NEO1: variants seen among roughly 807,000 people sequenced by gnomAD.
NEO1 encodes neogenin 1, also known as neogenin.
A neutral mutation model predicts 159.7 loss-of-function variants in NEO1; 63 were observed. The ratio of observed to expected loss-of-function variants is 0.39; its 90% CI spans 0.32 to 0.49. NEO1 has a LOEUF of 0.49. Among genes scored for constraint, NEO1 ranks in the 20% least tolerant of loss-of-function variants. NEO1 has a pLI of 0.85. For synonymous variants in NEO1, 633 were observed against 662.0 expected (o/e 0.96, Z 0.67); for missense variants, 1,615 against 1,831.0 (o/e 0.88, Z 2.15).
intron 1 of NEO1, among the ~76,000 whole-genome samples, chr15:73,084,742 T>C (rs1186932460): frequency 6.6e-6 from 1 of 152,200 alleles, no homozygotes; most frequent in African/African-American, 2.4e-5. Flanking sequence ...CCACAATGGC[T>C]ATACTGTCCA....
intron 1 of NEO1, among the ~76,000 whole-genome samples, chr15:73,108,909 T>G (rs1328110243): frequency 6.6e-6 from 1 of 152,130 alleles, no homozygotes; most frequent in East Asian, 1.9e-4. Flanking sequence ...TAATGTGGCT[T>G]ATTCACAGCC....
chr15:73,192,736 AT>A (rs1383821292), intron 7 of NEO1, among the ~76,000 whole-genome samples: 1 of 152,002 alleles, frequency 6.6e-6, no homozygotes, highest in Non-Finnish European at 1.5e-5. Flanking sequence ...GTATACTCTG[AT>A]TTCATTTATG....
At chr15:73,230,830 G>A (rs1773786071) in intron 7 of NEO1, among the ~76,000 whole-genome samples, 1 of 152,084 alleles carries the variant, frequency 6.6e-6, no homozygotes, top group Non-Finnish European at 1.5e-5. Flanking sequence ...GGGCTCAAGT[G>A]ATCCACCACT....
intron 1 of NEO1, among the ~76,000 whole-genome samples, chr15:73,103,041 C>T (rs1222641417): frequency 2.6e-5 from 4 of 152,124 alleles, no homozygotes; most frequent in Non-Finnish European, 5.9e-5. Flanking sequence ...AGTCTTAAGA[C>T]GTATTGATTC....
chr15:73,073,768 G>A (rs2068644889), intron 1 of NEO1, among the ~76,000 whole-genome samples: 1 of 152,184 alleles, frequency 6.6e-6, no homozygotes, highest in Middle Eastern at 3.4e-3. Flanking sequence ...GACCAGAGAG[G>A]TAGGATTACT....
At chr15:73,236,170 ATTT>A (rs2039158323) in intron 7 of NEO1, 174 bp from the exon 8 acceptor site, 1 of 810,366 alleles carries the variant, frequency 1.2e-6, no homozygotes, top group Non-Finnish European at 1.9e-6. Context: ...CATTCATTTT[ATTT>A]TATTTCCCAT....
At chr15:73,055,872 C>T (rs552401613) in intron 1 of NEO1, among the ~76,000 whole-genome samples, 1 of 152,174 alleles carries the variant, frequency 6.6e-6, no homozygotes, top group Non-Finnish European at 1.5e-5. Flanking sequence ...ATTGCCATAG[C>T]GGATAGTTCT....
At chr15:73,081,652 T>C (rs1050721285) in intron 1 of NEO1, among the ~76,000 whole-genome samples, 10 of 151,910 alleles carry the variant, frequency 6.6e-5, no homozygotes, top group Non-Finnish European at 1.5e-5. Context: ...CACAGCTCAC[T>C]GTAGCCTCGA....
At chr15:73,108,864 C>T (rs1000812894) in intron 1 of NEO1, among the ~76,000 whole-genome samples, 3 of 152,054 alleles carry the variant, frequency 2.0e-5, no homozygotes, top group African/African-American at 4.8e-5. Flanking sequence ...GAGGCCCCAG[C>T]GTGAGAAAGG....
intron 8 of NEO1, among the ~76,000 whole-genome samples, chr15:73,243,800 A>T (rs1361257385): frequency 6.6e-6 from 1 of 152,232 alleles, no homozygotes; most frequent in Admixed American, 6.5e-5. Flanking sequence ...AAAAATCAGT[A>T]TTGTAATCAG....
chr15:73,073,417 G>A (rs1322552740), intron 1 of NEO1, among the ~76,000 whole-genome samples: 1 of 151,996 alleles, frequency 6.6e-6, no homozygotes, highest in African/African-American at 2.4e-5. Flanking sequence ...TGAATGTAGT[G>A]GTTGAGGTCT....
chr15:73,166,033 T>C (rs2034549240), intron 5 of NEO1, among the ~76,000 whole-genome samples: 1 of 152,186 alleles, frequency 6.6e-6, no homozygotes, highest in Non-Finnish European at 1.5e-5. Context: ...CCTGTGCAAG[T>C]TCCCTTATCT....
chr15:73,073,437 G>A (rs997380914), intron 1 of NEO1, among the ~76,000 whole-genome samples: 1 of 151,678 alleles, frequency 6.6e-6, no homozygotes, highest in Non-Finnish European at 1.5e-5. Flanking sequence ...TCATGAGTTG[G>A]GTGTGTGTGT....
chr15:73,150,529 T>C (rs1302491780), intron 5 of NEO1, among the ~76,000 whole-genome samples: 2 of 152,206 alleles, frequency 1.3e-5, no homozygotes, highest in African/African-American at 4.8e-5. Context: ...ATTATATTAA[T>C]CAATCTAAAT....
rs757507654 is a variant in NEO1, at chr15:73,273,997, C to T, written c.3152C>T (p.Thr1051Ile). The T allele has an allele frequency of 6.2e-7, 1 of 1,613,416 alleles. No homozygotes were observed. The highest frequency in any genetic ancestry group is 1.7e-5 in the Admixed American group (1 of 59,972). Reference sequence around the variant, plus strand: ...ATGTCTGAAGCTGTCCAATTCAGAACACCTAAAGGTAATGCTCCCCAAGCT... The same window carrying T: ...ATGTCTGAAGCTGTCCAATTCAGAATACCTAAAGGTAATGCTCCCCAAGCT... ...GPMSEAVQFRTPKADSSDKMP... is the reference protein window; with the variant it reads ...GPMSEAVQFRIPKADSSDKMP... The change falls in exon 20 of 29, where the codon ACA becomes ATA. Residue 1051 changes from threonine (T) to isoleucine (I), a missense_variant. Transcript: ENST00000261908.
chr15:73,298,717 T>A, intron 27 of NEO1, 106 bp downstream of exon 27: 1 of 1,446,866 alleles, frequency 6.9e-7, no homozygotes, highest in Non-Finnish European at 9.4e-7. Context: ...AAAGCAAATA[T>A]CCTCCAAGCC....
intron 1 of NEO1, among the ~76,000 whole-genome samples, chr15:73,081,630 C>T (rs2151384552): frequency 6.6e-6 from 1 of 151,912 alleles, no homozygotes; most frequent in East Asian, 1.9e-4. Flanking sequence ...GACTGGAGTG[C>T]AGTAGCACCA....
In NEO1 at chr15:73,130,528, G is replaced by C. The variant is rs187358659; in HGVS notation, c.878+3958G>C. ...CTTTCTCCTACTCCAGTCAAACACCGCAGAAGAAACTGTGGCCCCACCCTA... is the reference window on the plus strand; with the variant it reads ...CTTTCTCCTACTCCAGTCAAACACCCCAGAAGAAACTGTGGCCCCACCCTA... On this transcript the variant is annotated intron_variant, in intron 4 of 28. Transcript: ENST00000261908. 5.9e-5 allele frequency among the ~76,000 whole-genome samples: 9 copies of C among 152,228 alleles called. No individual in the cohort carries two copies. The East Asian group carries it at 1.5e-3, about 26-fold the overall frequency.
At chr15:73,085,522 A>C (rs1172379110) in intron 1 of NEO1, among the ~76,000 whole-genome samples, 1 of 152,164 alleles carries the variant, frequency 6.6e-6, no homozygotes, top group Non-Finnish European at 1.5e-5. Flanking sequence ...TCATATGGTA[A>C]GTGTTTAACT....
Sources: gnomAD v4.1 joint callset for allele counts (sites outside exome capture counted in the v4.1 genomes callset) on GRCh38, gnomAD v4.1.1 for gene constraint, MANE v1.5 for transcripts, NCBI Gene and HGNC (gene_info 2026-07-23, HGNC 2026-07-21) for gene names.